The following PRAMEF1 variants were observed in gnomAD, a reference collection of about 807,000 sequenced individuals.
PRAMEF1 encodes PRAME family member 1.
Under a neutral mutation model 38.2 loss-of-function variants are expected in PRAMEF1, and 21 were observed. The observed-to-expected ratio is 0.55, with a 90% CI of 0.39 to 0.79. The LOEUF is 0.79. Among genes scored for constraint, PRAMEF1 ranks in the 30% least tolerant of loss-of-function variants. The pLI is 0.00. For missense variants in PRAMEF1, 497 were observed against 565.8 expected (o/e 0.88, Z 1.23); for synonymous variants, 200 against 229.0 (o/e 0.87, Z 1.14).
In PRAMEF1 at chr1:12,794,269, C is replaced by T; in HGVS notation, c.642C>T (p.Asn214=). The T allele has an allele frequency of 6.2e-7, 1 of 1,611,870 alleles. No homozygotes were observed. The highest frequency in any genetic ancestry group is 8.5e-7 in the Non-Finnish European group (1 of 1,178,774). Residue 214 remains asparagine (N), a synonymous_variant, in exon 3 of 4, where the codon AAC becomes AAT. Coordinates refer to ENST00000332296, the MANE Select transcript of PRAMEF1 (RefSeq NM_023013.4). ...GTATTCAAGAGCTGGAAATTCGCAA[C>T]ATGTCCTGGCCACGTCTGATAAGAA... ...LNSIQELEIR[N]MSWPRLIRKL... is the part of the protein sequence containing the mutation.
chr1:12,792,451 C>T lies in PRAMEF1; in HGVS notation c.-25-752C>T, dbSNP rs548209669. On this transcript the variant is annotated intron_variant, in intron 1 of 3. Coordinates refer to ENST00000332296, the MANE Select transcript of PRAMEF1 (RefSeq NM_023013.4). ...TGTCACCCAGACTGGAGTGCAGGGCCCTGAGCTGGGCTCCCTGGAAACTCT... is the reference window on the plus strand; with the variant it reads ...TGTCACCCAGACTGGAGTGCAGGGCTCTGAGCTGGGCTCCCTGGAAACTCT... Among the ~76,000 whole-genome samples the T allele has an allele frequency of 4.6e-4, 70 of 151,278 alleles. 1 individual carries two copies. The highest frequency in any genetic ancestry group is 1.2e-3 in the African/African-American group (50 of 41,342).
chr1:12,795,513 C>T lies in PRAMEF1; in HGVS notation c.942C>T (p.Ser314=). 6.2e-7 allele frequency: 1 copy of T among 1,612,446 alleles called. No individual in the cohort carries two copies. The highest frequency in any genetic ancestry group is 8.5e-7 in the Non-Finnish European group (1 of 1,179,292). ...YLLEEDMKCL[S]QYPSLGYLKH... ...TGGAAGAAGACATGAAGTGTCTCTC[C>T]CAGTACCCAAGCCTCGGTTACCTAA... Residue 314 remains serine, a synonymous_variant, in exon 4 of 4, where the codon TCC becomes TCT. Transcript: ENST00000332296.
chr1:12,794,470 T>C lies in PRAMEF1; in HGVS notation c.843T>C (p.Ser281=), dbSNP rs201795128. The change falls in exon 3 of 4, where the codon AGT becomes AGC. Residue 281 remains serine (S), a synonymous_variant. Coordinates refer to ENST00000332296, the MANE Select transcript of PRAMEF1 (RefSeq NM_023013.4). ...AAATAAAATTGATCACCTTCTTCAG[T>C]GGGCACCTGGAACAGCTGATCAGGT... The part of the protein sequence containing the change: ...LLKIKLITFF[S]GHLEQLIRCL... The C allele has an allele frequency of 1.5e-4, 247 of 1,604,348 alleles. 42 individuals carry two copies. Among genetic ancestry groups the C allele is most frequent in the South Asian group, 7.1e-4 (64 of 90,204 alleles).
chr1:12,793,790 G>A (rs4989042), intron 2 of PRAMEF1, 125 bp from the exon 3 acceptor site: 1 of 1,422,608 alleles, frequency 7.0e-7, no homozygotes, highest in Non-Finnish European at 9.6e-7. Flanking sequence ...AACAGGGATT[G>A]AGAAAAGACA....
chr1:12,794,326 T>A lies in PRAMEF1; in HGVS notation c.699T>A (p.Asn233Lys), dbSNP rs763639442. 13 of 1,612,048 alleles carry A rather than the reference T, an allele frequency of 8.1e-6. No individual in the cohort carries two copies. Among genetic ancestry groups the A allele is most frequent in the African/African-American group, 1.3e-5 (1 of 74,692 alleles). ...GTTGTTACCTGAAGGAGATGAAGAATCTTCGCAAACTCGTTTTCTCCAGGT... is the reference window on the plus strand; with the variant it reads ...GTTGTTACCTGAAGGAGATGAAGAAACTTCGCAAACTCGTTTTCTCCAGGT... ...KLRCYLKEMK[N>K]LRKLVFSRCH... Residue 233 changes from asparagine to lysine, a missense_variant, in exon 3 of 4, where the codon AAT becomes AAA. Physicochemically the swap from Asn to Lys is moderately conservative, Grantham distance 94. Around this residue, in one of 2 missense-constraint regions of PRAMEF1, gnomAD observed 470 missense variants for 501.9 expected, o/e 0.94. Coordinates refer to ENST00000332296, the MANE Select transcript of PRAMEF1 (RefSeq NM_023013.4).
Position 12,793,262 on chromosome 1 carries a change from T to G in PRAMEF1, c.35T>G (p.Leu12Arg). The G allele has an allele frequency of 1.9e-6, 3 of 1,607,322 alleles. No individual in the cohort carries two copies. Among genetic ancestry groups the G allele is most frequent in the Non-Finnish European group, 2.5e-6 (3 of 1,177,386 alleles). The change falls in exon 2 of 4, where the codon CTG becomes CGG. Residue 12 changes from leucine to arginine, a missense_variant. Physicochemically the swap from Leu to Arg is moderately radical, Grantham distance 102. Transcript: ENST00000332296. ...CAGGCCCCACCCAGACTACTGGAGC[T>G]GGCAGGGCAGAGCCTGCTGAGAGAC... The part of the protein sequence containing the change: ...SIQAPPRLLE[L>R]AGQSLLRDQA...
Position 12,794,378 on chromosome 1 carries a change from C to G in PRAMEF1, c.751C>G (p.Leu251Val). ...CCATCATTACACGTCAGATAATGAA[C>G]TCGAAGGACGGTTAGTTGCCAAATT... ...RCHHYTSDNE[L>V]EGRLVAKFSS... The change falls in exon 3 of 4, where the codon CTC becomes GTC. Residue 251 changes from leucine (L) to valine (V), a missense_variant. Around this residue, in one of 2 missense-constraint regions of PRAMEF1, gnomAD observed 470 missense variants for 501.9 expected, o/e 0.94. Coordinates refer to ENST00000332296, the MANE Select transcript of PRAMEF1 (RefSeq NM_023013.4). 1 of 1,611,762 alleles carries G rather than the reference C, an allele frequency of 6.2e-7. No homozygotes were observed. The highest frequency in any genetic ancestry group is 8.5e-7 in the Non-Finnish European group (1 of 1,178,872).
chr1:12,793,858 C>T lies in PRAMEF1; in HGVS notation c.288-57C>T, dbSNP rs1192055513. ...CTGATTTATGGGATGACAATGAAAG[C>T]AAAGGTCAGGGATGAGTCCTTCTAA... On this transcript the variant is annotated intron_variant, in intron 2 of 3. Transcript: ENST00000332296. 8 of 1,515,068 alleles carry T rather than the reference C, an allele frequency of 5.3e-6. No individual in the cohort carries two copies. In the African/African-American group the frequency reaches 9.5e-5, roughly 18 times the overall value. 93.9% of individuals were successfully genotyped at this position (1,515,068 alleles called of 1,614,324 possible).
In PRAMEF1 at chr1:12,795,672, T is replaced by C. The variant is rs1490086708; in HGVS notation, c.1101T>C (p.Ser367=). ...EGCQIHYSQL[S]AILPGLSRCS... is the part of the protein sequence containing the mutation. ...GTCAGATCCACTACTCCCAACTCAG[T>C]GCCATCCTGCCTGGCCTGAGCCGCT... Residue 367 remains serine (S), a synonymous_variant, in exon 4 of 4, where the codon AGT becomes AGC. Transcript: ENST00000332296. The C allele has an allele frequency of 1.9e-6, 3 of 1,611,312 alleles. No homozygotes were observed. The highest frequency in any genetic ancestry group is 2.3e-4 in the Middle Eastern group (1 of 4,440).
Position 12,793,391 on chromosome 1 carries a change from T to C in PRAMEF1, c.164T>C (p.Met55Thr). 1 of 1,610,122 alleles carries C rather than the reference T, an allele frequency of 6.2e-7. No individual in the cohort carries two copies. Among genetic ancestry groups the C allele is most frequent in the Non-Finnish European group, 8.5e-7 (1 of 1,177,940 alleles). The stretch of plus-strand genomic sequence containing the variant: ...AGACACTTCCAGACTCTGACGGTGA[T>C]GGTTCAGGCCTGGCCCTTCACCTGC... Reference protein sequence around the residue: ...SRRHFQTLTVMVQAWPFTCLP... With the variant: ...SRRHFQTLTVTVQAWPFTCLP... The change falls in exon 2 of 4, where the codon ATG becomes ACG. Residue 55 changes from methionine to threonine, a missense_variant. Met to Thr is a moderately conservative substitution (Grantham distance 81). Around this residue, in one of 2 missense-constraint regions of PRAMEF1, gnomAD observed 470 missense variants for 501.9 expected, o/e 0.94. Transcript: ENST00000332296.
chr1:12,794,529 A>G lies in PRAMEF1; in HGVS notation c.866+36A>G, dbSNP rs367792180. The G allele has an allele frequency of 2.5e-4, 398 of 1,606,214 alleles. 19 individuals are homozygous for G. In the Middle Eastern group the frequency reaches 5.6e-3, roughly 23 times the overall value. ...ATCATGCACTTTGTATGCAGACCAC[A>G]GCATAGCCTTGTTCTGTAACAGCAA... is the stretch of plus-strand genomic sequence containing the variant. On this transcript the variant is annotated intron_variant, in intron 3 of 3. Transcript: ENST00000332296.
chr1:12,793,168 G>A, intron 1 of PRAMEF1, 35 bp from the exon 2 acceptor site: 2 of 1,600,268 alleles, frequency 1.2e-6, no homozygotes, highest in African/African-American at 2.7e-5. Context: ...TCTTTGCCCT[G>A]AGAGTGACAC....
rs1161666919 is a variant in PRAMEF1 at position 12,792,048 on chromosome 1, G to C, written c.-26+574G>C. On this transcript the variant is annotated intron_variant, in intron 1 of 3. Transcript: ENST00000332296. ...TGGTTAATTTTTTTTTTCAGATGGAGTTTCCCTATTGTTGCCCAGGCTGCA... is the reference window on the plus strand; with the variant it reads ...TGGTTAATTTTTTTTTTCAGATGGACTTTCCCTATTGTTGCCCAGGCTGCA... Among the ~76,000 whole-genome samples, 7 of 150,862 alleles carry C rather than the reference G, an allele frequency of 4.6e-5. 1 individual carries two copies. The highest frequency in any genetic ancestry group is 1.5e-4 in the African/African-American group (6 of 41,122).
At chr1:12,795,189 G>GAA (rs201856435) in intron 3 of PRAMEF1, among the ~76,000 whole-genome samples, 3 of 143,082 alleles carry the variant, frequency 2.1e-5, no homozygotes, top group African/African-American at 7.7e-5. Context: ...GCTAAAAGAT[G>GAA]AAAAAAAAAA....
Position 12,795,535 on chromosome 1 carries a change from C to T in PRAMEF1, c.964C>T (p.Leu322=). The T allele has an allele frequency of 6.2e-7, 1 of 1,612,652 alleles. No individual in the cohort carries two copies. Among genetic ancestry groups the T allele is most frequent in the South Asian group, 1.1e-5 (1 of 90,978 alleles). The change falls in exon 4 of 4, where the codon CTA becomes TTA. Residue 322 remains leucine, a synonymous_variant. Coordinates refer to ENST00000332296, the MANE Select transcript of PRAMEF1 (RefSeq NM_023013.4). ...CTCCCAGTACCCAAGCCTCGGTTACCTAAAGCATCTGAATCTCAGCTACGT... is the reference window on the plus strand; with the variant it reads ...CTCCCAGTACCCAAGCCTCGGTTACTTAAAGCATCTGAATCTCAGCTACGT... The part of the protein sequence containing the change: ...CLSQYPSLGY[L]KHLNLSYVLL...
In PRAMEF1 at chr1:12,794,333, A is replaced by C. The variant is rs547824176; in HGVS notation, c.706A>C (p.Lys236Gln). The change falls in exon 3 of 4, where the codon AAA (lysine) becomes CAA (glutamine). Residue 236 changes from lysine (K) to glutamine (Q), a missense_variant. Lys to Gln is a moderately conservative substitution (Grantham distance 53). Transcript: ENST00000332296. The part of the protein sequence containing the change: ...CYLKEMKNLR[K>Q]LVFSRCHHYT... ...CCTGAAGGAGATGAAGAATCTTCGC[A>C]AACTCGTTTTCTCCAGGTGCCATCA... is the stretch of plus-strand genomic sequence containing the variant. The C allele has an allele frequency of 2.1e-5, 34 of 1,612,190 alleles. No individual in the cohort carries two copies. Among genetic ancestry groups the C allele is most frequent in the Non-Finnish European group, 2.8e-5 (33 of 1,179,046 alleles).
Position 12,793,251 on chromosome 1 carries a change from A to T in PRAMEF1, c.24A>T (p.Arg8Ser). 6.2e-7 allele frequency: 1 copy of T among 1,606,532 alleles called. No individual in the cohort carries two copies. The highest frequency in any genetic ancestry group is 8.5e-7 in the Non-Finnish European group (1 of 1,177,042). ...GGATGAGCATCCAGGCCCCACCCAGACTACTGGAGCTGGCAGGGCAGAGCC... is the reference window on the plus strand; with the variant it reads ...GGATGAGCATCCAGGCCCCACCCAGTCTACTGGAGCTGGCAGGGCAGAGCC... MSIQAPP[R>S]LLELAGQSLL... Residue 8 changes from arginine (R) to serine (S), a missense_variant, in exon 2 of 4, where the codon AGA (arginine) becomes AGT (serine). Physicochemically the swap from Arg to Ser is moderately radical, Grantham distance 110 (BLOSUM62 -1). Around this residue, in one of 2 missense-constraint regions of PRAMEF1, gnomAD observed 470 missense variants for 501.9 expected, o/e 0.94. Transcript: ENST00000332296.
In PRAMEF1 at chr1:12,794,003, C is replaced by T. The variant is rs776238642; in HGVS notation, c.376C>T (p.Pro126Ser). ...TGGAGCCTGGGCCCTGTCCTGCTTC[C>T]CAGAGACCACGAGTAAGAGGCAGAC... The part of the protein sequence containing the change: ...WPGAWALSCF[P>S]ETTSKRQTAE... Residue 126 changes from proline (P) to serine (S), a missense_variant, in exon 3 of 4, where the codon CCA becomes TCA. Around this residue, in one of 2 missense-constraint regions of PRAMEF1, gnomAD observed 470 missense variants for 501.9 expected, o/e 0.94. Transcript: ENST00000332296. 7 of 1,607,926 alleles carry T rather than the reference C, an allele frequency of 4.4e-6. No individual in the cohort carries two copies. In the East Asian group the frequency reaches 1.1e-4, roughly 26 times the overall value.
intron 3 of PRAMEF1, chr1:12,795,042 A>C (rs1254410773): frequency 8.6e-7 from 1 of 1,160,400 alleles, no homozygotes; most frequent in Non-Finnish European, 1.2e-6. Flanking sequence ...AAAAAGTGAC[A>C]GTTGGTTTGC....
Sources: gnomAD v4.1 joint callset for allele counts (sites outside exome capture counted in the v4.1 genomes callset) on GRCh38, gnomAD v4.1.1 for gene constraint, gnomAD v4.1.1 regional missense constraint, MANE v1.5 for transcripts, NCBI Gene and HGNC (gene_info 2026-07-23, HGNC 2026-07-21) for gene names.